Variants in HHAT observed in about 807,000 individuals in gnomAD.
HHAT encodes the protein hedgehog acyltransferase, also known as protein-cysteine N-palmitoyltransferase HHAT.
A neutral mutation model predicts 70.8 loss-of-function variants in HHAT; 47 were observed. That is an observed-to-expected ratio of 0.66 (90% CI 0.53 to 0.85). The LOEUF (loss-of-function observed/expected upper bound fraction) is 0.85. Ranked by LOEUF, HHAT falls within the 40% of genes least tolerant of loss-of-function variation. The probability of loss-of-function intolerance (pLI) is 0.00; values close to 1 mark genes in which losing one functional copy is unlikely to be tolerated. For synonymous variants in HHAT, 228 were observed against 247.6 expected (o/e 0.92, Z 0.74); for missense variants, 609 against 604.8 (o/e 1.01, Z -0.07).
chr1:210,404,817 G>GT (rs890108592), intron 6 of HHAT, 138 bp downstream of exon 6: 9 of 634,242 alleles, frequency 1.4e-5, no homozygotes, highest in Admixed American at 9.0e-5. Flanking sequence ...TTCTCATGAG[G>GT]TTTTTTGTAA....
Position 210,348,841 on chromosome 1 carries a change from G to T in HHAT, c.-43-92G>T, listed in dbSNP as rs76441911. On this transcript the variant is annotated intron_variant, in intron 1 of 11. Coordinates refer to ENST00000261458, the MANE Select transcript of HHAT (RefSeq NM_018194.6). ...GTCTGTATCACCTTGAATAGTGATG[G>T]GTCTCCGGGAGTGTGAACTAACTGA... 7.4e-4 allele frequency: 940 copies of T among 1,265,716 alleles called. 6 individuals carry two copies. The African/African-American group carries it at 0.012, about 17-fold the overall frequency. The allele number at this position is 1,265,716 out of a possible 1,614,324, so 78.4% of individuals were successfully genotyped here.
rs956067307 is a variant in HHAT at position 210,643,659 on chromosome 1, G to C, written c.1390+19989G>C. On this transcript the variant is annotated intron_variant, in intron 11 of 11. Coordinates refer to ENST00000261458, the MANE Select transcript of HHAT (RefSeq NM_018194.6). ...AATCTTTTGCAGATTTTGTGTGAACGACCTGGCTGCAGAGAGTGGCATTTG... is the reference window on the plus strand; with the variant it reads ...AATCTTTTGCAGATTTTGTGTGAACCACCTGGCTGCAGAGAGTGGCATTTG... 7.2e-5 allele frequency among the ~76,000 whole-genome samples: 11 copies of C among 152,164 alleles called. No individual in the cohort carries two copies. The East Asian group carries it at 2.1e-3, about 29-fold the overall frequency.
chr1:210,430,015 G>C (rs2093196855), intron 7 of HHAT, among the ~76,000 whole-genome samples: 4 of 151,838 alleles, frequency 2.6e-5, no homozygotes, highest in Admixed American at 2.6e-4. Flanking sequence ...TAAAAAGCCA[G>C]GGCAAATGTG....
intron 1 of HHAT, among the ~76,000 whole-genome samples, chr1:210,343,931 C>T (rs1167322415): frequency 6.6e-6 from 1 of 152,190 alleles, no homozygotes; most frequent in Non-Finnish European, 1.5e-5. Context: ...AGTGCTTATT[C>T]ACTGCCAGGC....
At chr1:210,382,198 C>A (rs555800184) in intron 3 of HHAT, among the ~76,000 whole-genome samples, 1 of 152,308 alleles carries the variant, frequency 6.6e-6, no homozygotes, top group Admixed American at 6.5e-5. Context: ...TTTCTTGTAA[C>A]TTTCTTCCCT....
intron 7 of HHAT, among the ~76,000 whole-genome samples, chr1:210,431,736 G>A (rs1227034389): frequency 1.3e-5 from 2 of 151,780 alleles, no homozygotes; most frequent in Non-Finnish European, 1.5e-5. Flanking sequence ...GTTACTATGG[G>A]GAAGAGGTTG....
Position 210,392,276 on chromosome 1 carries a change from C to T in HHAT, c.273+4695C>T, listed in dbSNP as rs560477992. Reference sequence around the variant, plus strand: ...CTGTGTTTTTCATCTGTCCTCCCCACGTCTCTGGGCCATACACATCAGGAC... The same window carrying T: ...CTGTGTTTTTCATCTGTCCTCCCCATGTCTCTGGGCCATACACATCAGGAC... On this transcript the variant is annotated intron_variant, in intron 4 of 11. Transcript: ENST00000261458. Among the ~76,000 whole-genome samples, 16 of 152,276 alleles carry T rather than the reference C, an allele frequency of 1.1e-4. No individual in the cohort carries two copies. In the South Asian group the frequency reaches 2.9e-3, roughly 28 times the overall value.
At chr1:210,364,558 G>C (rs936469399) in intron 3 of HHAT, among the ~76,000 whole-genome samples, 1 of 152,264 alleles carries the variant, frequency 6.6e-6, no homozygotes, top group Non-Finnish European at 1.5e-5. Flanking sequence ...GAGGCAGCGT[G>C]AGAAAGTGAA....
At chr1:210,506,481 A>G (rs1472786250) in intron 8 of HHAT, among the ~76,000 whole-genome samples, 3 of 152,136 alleles carry the variant, frequency 2.0e-5, no homozygotes, top group African/African-American at 7.2e-5. Flanking sequence ...TCATACACAC[A>G]AGATTTTCTG....
intron 8 of HHAT, among the ~76,000 whole-genome samples, chr1:210,493,606 A>T (rs1057152375): frequency 8.5e-5 from 13 of 152,184 alleles, no homozygotes; most frequent in African/African-American, 2.9e-4. Context: ...CATAAAATTA[A>T]TCATCCCAGG....
At chr1:210,461,450 C>T (rs1293160204) in intron 7 of HHAT, among the ~76,000 whole-genome samples, 1 of 152,198 alleles carries the variant, frequency 6.6e-6, no homozygotes, top group Non-Finnish European at 1.5e-5. Context: ...AAGCGTGCAC[C>T]ACCATGCCCG....
At chr1:210,607,454 G>T (rs78541530) in intron 10 of HHAT, among the ~76,000 whole-genome samples, 1,733 of 152,208 alleles carry the variant, frequency 0.011, 36 homozygotes, top group African/African-American at 0.039. Context: ...AAATATTAAG[G>T]TTACTTAAAA....
At chr1:210,522,659 GGCTTCTTATCTCACAGA>G (rs1200605519) in intron 9 of HHAT, among the ~76,000 whole-genome samples, 4 of 152,020 alleles carry the variant, frequency 2.6e-5, no homozygotes, top group Non-Finnish European at 5.9e-5. Flanking sequence ...CTGTGAACTG[GGCTTCTTATCTCACAGA>G]GCTGTGATGA....
chr1:210,413,817 A>T (rs1407877986), intron 6 of HHAT, among the ~76,000 whole-genome samples: 2 of 152,230 alleles, frequency 1.3e-5, no homozygotes, highest in Non-Finnish European at 2.9e-5. Context: ...CTTTCTCTGC[A>T]GCTCTTCTCC....
chr1:210,387,688 C>A, intron 4 of HHAT, 107 bp downstream of exon 4: 1 of 774,152 alleles, frequency 1.3e-6, no homozygotes, highest in Non-Finnish European at 2.1e-6. Flanking sequence ...CACTGGGAGC[C>A]TGGAAAAAAT....
chr1:210,583,098 AT>A (rs1177978171), intron 9 of HHAT, among the ~76,000 whole-genome samples: 3 of 152,124 alleles, frequency 2.0e-5, no homozygotes, highest in African/African-American at 4.8e-5. Flanking sequence ...AGGCCTAGTT[AT>A]TTCCTTGGAG....
intron 9 of HHAT, among the ~76,000 whole-genome samples, chr1:210,528,683 G>A (rs990176730): frequency 2.6e-5 from 4 of 151,848 alleles, no homozygotes; most frequent in African/African-American, 9.7e-5. Context: ...TCACTAATCT[G>A]TTACCAATCA....
At position 210,674,494 on chromosome 1, in the gene HHAT, A is replaced by T; in HGVS notation, c.*115A>T. 4.1e-6 allele frequency: 3 copies of T among 730,108 alleles called. No individual in the cohort carries two copies. Among genetic ancestry groups the T allele is most frequent in the Non-Finnish European group, 6.9e-6 (3 of 433,438 alleles). The allele number at this position is 730,108 out of a possible 1,614,324, so 45.2% of individuals were successfully genotyped here. A position where few individuals can be genotyped will look rare whatever the true frequency, so the allele number is the denominator to read the frequency against. On this transcript the variant is annotated 3_prime_UTR_variant, in exon 12 of 12. Transcript: ENST00000261458. ...GATTTGATCTGCTCATCTTCAGTTG[A>T]ATGCCCTCACTCCAAGACTGGATGC...
chr1:210,328,968 G>C lies in HHAT; in HGVS notation c.-180G>C, dbSNP rs2084738565. The C allele has an allele frequency of 7.7e-7, 1 of 1,302,440 alleles. No individual in the cohort carries two copies. The highest frequency in any genetic ancestry group is 9.9e-7 in the Non-Finnish European group (1 of 1,014,490). 80.7% of individuals were successfully genotyped at this position (1,302,440 alleles called of 1,614,324 possible). ...CTGCTCCTCCAAAGGGCAGCTCCGGGGGAAAGAGGGTGGCGTCCCGGGGAA... is the reference window on the plus strand; with the variant it reads ...CTGCTCCTCCAAAGGGCAGCTCCGGCGGAAAGAGGGTGGCGTCCCGGGGAA... On this transcript the variant is annotated 5_prime_UTR_variant, in exon 1 of 12. Coordinates refer to ENST00000261458, the MANE Select transcript of HHAT (RefSeq NM_018194.6).
Sources: allele counts gnomAD v4.1 joint callset (sites outside exome capture counted in the v4.1 genomes callset), GRCh38; gene constraint gnomAD v4.1.1; transcripts MANE v1.5; gene names NCBI Gene and HGNC (gene_info 2026-07-23, HGNC 2026-07-21).